Variants in OXR1 observed in about 807,000 individuals in gnomAD.
OXR1 encodes oxidation resistance protein 1.
Under a neutral mutation model 104.6 loss-of-function variants are expected in OXR1, and 41 were observed. That is an observed-to-expected ratio of 0.39 (90% confidence interval 0.31 to 0.51). OXR1 has a LOEUF of 0.51. Among genes scored for constraint, OXR1 ranks in the 20% least tolerant of loss-of-function variants. OXR1 has a pLI of 0.77. For missense variants in OXR1, 955 were observed against 1,031.9 expected, an observed-to-expected ratio of 0.93 and a Z score of 1.02; for synonymous variants, 348 against 348.4, an observed-to-expected ratio of 1.00 and a Z score of 0.01.
intron 16 of OXR1, among the ~76,000 whole-genome samples, chr8:106,746,895 T>C (rs1162673142): frequency 6.6e-6 from 1 of 152,144 alleles, no homozygotes; most frequent in Admixed American, 6.5e-5. Context: ...ATTTCAAGAT[T>C]TTATGGGTGC....
intron 2 of OXR1, among the ~76,000 whole-genome samples, chr8:106,499,712 A>G (rs2123546): frequency 0.43 from 64,903 of 152,072 alleles, 16,892 homozygotes; most frequent in Non-Finnish European, 0.57. Context: ...GTTTTATTCT[A>G]TGTTTCATGT....
At chr8:106,274,213 C>G (rs2130468353) in intron 1 of OXR1, among the ~76,000 whole-genome samples, 1 of 152,306 alleles carries the variant, frequency 6.6e-6, no homozygotes, top group East Asian at 1.9e-4. Flanking sequence ...AAGCATCAAG[C>G]CTTTCGATTC....
intron 7 of OXR1, among the ~76,000 whole-genome samples, chr8:106,694,772 T>A (rs1302008257): frequency 5.9e-5 from 7 of 118,798 alleles, no homozygotes; most frequent in Non-Finnish European, 8.1e-5. Context: ...ATTTAATAGA[T>A]AAATACATAT....
At chr8:106,745,501 T>C (rs188895447) in intron 15 of OXR1, among the ~76,000 whole-genome samples, 2 of 152,316 alleles carry the variant, frequency 1.3e-5, no homozygotes, top group East Asian at 3.9e-4. Flanking sequence ...CTATTAACCG[T>C]CCAACTCTTG....
At chr8:106,329,181 G>C (rs911093591) in intron 1 of OXR1, among the ~76,000 whole-genome samples, 1 of 151,226 alleles carries the variant, frequency 6.6e-6, no homozygotes, top group Admixed American at 6.6e-5. Flanking sequence ...TAGTAAAGAC[G>C]GGGTTTCACC....
chr8:106,673,499 C>T (rs1208618523), intron 3 of OXR1, among the ~76,000 whole-genome samples: 1 of 152,112 alleles, frequency 6.6e-6, no homozygotes, highest in Non-Finnish European at 1.5e-5. Flanking sequence ...AAAGTTTGGA[C>T]AACTTGCAGC....
intron 3 of OXR1, among the ~76,000 whole-genome samples, chr8:106,527,464 G>A (rs747155344): frequency 2.0e-5 from 3 of 152,040 alleles, no homozygotes; most frequent in Admixed American, 6.5e-5. Flanking sequence ...CTTCATTGCA[G>A]ACCTCAGCCC....
chr8:106,372,732 C>A (rs771665164), intron 2 of OXR1, among the ~76,000 whole-genome samples: 2 of 152,166 alleles, frequency 1.3e-5, no homozygotes, highest in African/African-American at 4.8e-5. Context: ...TTGGGTGCCA[C>A]CCCTGAGTTA....
At chr8:106,618,313 C>T in intron 3 of OXR1, 1 of 780,264 alleles carries the variant, frequency 1.3e-6, no homozygotes, top group East Asian at 2.7e-5. Context: ...TGTGACGATG[C>T]AGTTGGAGGT....
chr8:106,374,783 C>G (rs1261222772), intron 2 of OXR1, among the ~76,000 whole-genome samples: 4 of 152,138 alleles, frequency 2.6e-5, no homozygotes, highest in Non-Finnish European at 4.4e-5. Context: ...TTCACCAGGC[C>G]TCCCTATTTC....
At chr8:106,545,560 G>C (rs140143403) in intron 3 of OXR1, among the ~76,000 whole-genome samples, 1 of 152,086 alleles carries the variant, frequency 6.6e-6, no homozygotes, top group Non-Finnish European at 1.5e-5. Flanking sequence ...TAATTAAAAC[G>C]GTGGTACACA....
rs145470108 is a variant in OXR1, at chr8:106,727,548, G to A, written c.1957-9972G>A. On this transcript the variant is annotated intron_variant, in intron 11 of 16. Coordinates refer to ENST00000517566, the MANE Select transcript of OXR1 (RefSeq NM_001198533.2). The stretch of plus-strand genomic sequence containing the variant: ...TCTTCCTGCCTCAGCCCGGCAAGTA[G>A]CTGGGACTGCAAGCATGCACCACCA... Among the ~76,000 whole-genome samples the A allele has an allele frequency of 1.2e-4, 18 of 152,130 alleles. No individual in the cohort carries two copies. In the East Asian group the frequency reaches 3.5e-3, roughly 30 times the overall value.
At position 106,626,422 on chromosome 8, in the gene OXR1, C is replaced by T. The variant is rs559500867; in HGVS notation, c.221-52788C>T. Among the ~76,000 whole-genome samples, 3 of 151,448 alleles carry T rather than the reference C, an allele frequency of 2.0e-5. No individual in the cohort carries two copies. In the South Asian group the frequency reaches 6.3e-4, roughly 32 times the overall value. On this transcript the variant is annotated intron_variant, in intron 3 of 16. Transcript: ENST00000517566. ...ACATGTCATTCTCTGTATGGCATGGCCTTGATTGAAGTTTGGTGTCTTTTC... is the reference window on the plus strand; with the variant it reads ...ACATGTCATTCTCTGTATGGCATGGTCTTGATTGAAGTTTGGTGTCTTTTC...
chr8:106,417,085 T>C (rs977321542), intron 2 of OXR1, among the ~76,000 whole-genome samples: 1 of 152,110 alleles, frequency 6.6e-6, no homozygotes, highest in Non-Finnish European at 1.5e-5. Context: ...GTGTGATTAA[T>C]AAATTTTTTA....
At chr8:106,628,486 A>C (rs930805364) in intron 3 of OXR1, among the ~76,000 whole-genome samples, 2 of 152,156 alleles carry the variant, frequency 1.3e-5, no homozygotes, top group African/African-American at 4.8e-5. Context: ...GTTGAATTTT[A>C]TCTCTCCAAC....
chr8:106,418,566 A>G (rs1818776518), intron 2 of OXR1, among the ~76,000 whole-genome samples: 1 of 152,042 alleles, frequency 6.6e-6, no homozygotes, highest in African/African-American at 2.4e-5. Context: ...AATAGATCTC[A>G]GTAATGGGAT....
At chr8:106,616,218 A>ATTTTTTTTTTTT (rs372788802) in intron 3 of OXR1, among the ~76,000 whole-genome samples, 2 of 96,034 alleles carry the variant, frequency 2.1e-5, no homozygotes, top group Non-Finnish European at 2.0e-5. Flanking sequence ...ATTTTTTGGA[A>ATTTTTTTTTTTT]TTTTTTTTTT....
chr8:106,575,759 C>T lies in OXR1; in HGVS notation c.220+56620C>T, dbSNP rs561979357. On this transcript the variant is annotated intron_variant, in intron 3 of 16. Coordinates refer to ENST00000517566, the MANE Select transcript of OXR1 (RefSeq NM_001198533.2). ...CTGATTACTGAAATAAATGACACCT[C>T]ACTTATGTGCCAAAGCTCATGCAGT... Among the ~76,000 whole-genome samples, 3 of 150,966 alleles carry T rather than the reference C, an allele frequency of 2.0e-5. No individual in the cohort carries two copies. In the East Asian group the frequency reaches 5.8e-4, roughly 29 times the overall value.
intron 1 of OXR1, among the ~76,000 whole-genome samples, chr8:106,299,399 G>A (rs1425488830): frequency 6.6e-6 from 1 of 152,076 alleles, no homozygotes; most frequent in Non-Finnish European, 1.5e-5. Flanking sequence ...AATGCAAGCT[G>A]CTACAGTATA....
Sources: allele counts gnomAD v4.1 joint callset (sites outside exome capture counted in the v4.1 genomes callset), GRCh38; gene constraint gnomAD v4.1.1; transcripts MANE v1.5; gene names NCBI Gene and HGNC (gene_info 2026-07-23, HGNC 2026-07-21).